Variants in TBC1D23 observed in about 807,000 individuals in gnomAD.
TBC1D23 encodes TBC1 domain family member 23.
In TBC1D23, 55 loss-of-function variants were observed where a neutral mutation model predicts 91.4. The observed-to-expected ratio is 0.60, with a 90% confidence interval of 0.48 to 0.75. The LOEUF is 0.75. Among genes scored for constraint, TBC1D23 ranks in the 30% least tolerant of loss-of-function variants. The pLI, the probability that TBC1D23 is intolerant of heterozygous loss-of-function variation, is 0.00. For missense variants in TBC1D23, 725 were observed against 836.1 expected, an observed-to-expected ratio of 0.87 and a Z score of 1.64; for synonymous variants, 289 against 281.0, an observed-to-expected ratio of 1.03 and a Z score of -0.28.
Position 100,283,988 on chromosome 3 carries a change from C to A in TBC1D23, c.476+177C>A, listed in dbSNP as rs1218541225. The A allele has an allele frequency of 7.4e-6, 4 of 539,578 alleles. No individual in the cohort carries two copies. In the East Asian group the frequency reaches 8.6e-5, roughly 12 times the overall value. The allele number at this position is 539,578 out of a possible 1,614,324, so 33.4% of individuals were successfully genotyped here. ...GGTTATAAACATTTTTTAAAAGATTCTTTAGTTAAAAATGTATACTTCTGA... is the reference window on the plus strand; with the variant it reads ...GGTTATAAACATTTTTTAAAAGATTATTTAGTTAAAAATGTATACTTCTGA... On this transcript the variant is annotated intron_variant, in intron 4 of 18. Coordinates refer to ENST00000394144, the MANE Select transcript of TBC1D23 (RefSeq NM_001199198.3).
At chr3:100,287,094 C>G (rs2067750328) in intron 4 of TBC1D23, among the ~76,000 whole-genome samples, 1 of 152,046 alleles carries the variant, frequency 6.6e-6, no homozygotes, top group East Asian at 1.9e-4. Flanking sequence ...ATTACAGGTG[C>G]AAGCTACCGC....
intron 10 of TBC1D23, among the ~76,000 whole-genome samples, chr3:100,301,159 C>A (rs1457859173): frequency 6.6e-6 from 1 of 151,242 alleles, no homozygotes; most frequent in Non-Finnish European, 1.5e-5. Context: ...TACTAGAGAC[C>A]ACCGTATTGC....
chr3:100,261,225 T>TAG, intron 1 of TBC1D23, 154 bp downstream of exon 1: 1 of 677,796 alleles, frequency 1.5e-6, no homozygotes, highest in Non-Finnish European at 2.5e-6. Context: ...GCCAGCTGGG[T>TAG]GCCCCCTGCC....
chr3:100,288,994 G>A (rs1243712957), intron 4 of TBC1D23, among the ~76,000 whole-genome samples: 4 of 151,970 alleles, frequency 2.6e-5, no homozygotes, highest in African/African-American at 4.8e-5. Context: ...AGGGAGGATC[G>A]CTTGAGCCCA....
At chr3:100,284,423 C>T (rs149558673) in intron 4 of TBC1D23, among the ~76,000 whole-genome samples, 1 of 152,002 alleles carries the variant, frequency 6.6e-6, no homozygotes, top group East Asian at 1.9e-4. Context: ...TAAAATATTA[C>T]AGTGTTCAGG....
Position 100,296,160 on chromosome 3 carries a change from A to C in TBC1D23, c.773-12A>C, listed in dbSNP as rs2067837392. The C allele has an allele frequency of 6.9e-7, 1 of 1,443,792 alleles. No individual in the cohort carries two copies. Among genetic ancestry groups the C allele is most frequent in the Non-Finnish European group, 9.5e-7 (1 of 1,049,054 alleles). The allele number at this position is 1,443,792 out of a possible 1,614,324, so 89.4% of individuals were successfully genotyped here. On this transcript the variant is annotated splice_polypyrimidine_tract_variant and intron_variant, in intron 7 of 18. Coordinates refer to ENST00000394144, the MANE Select transcript of TBC1D23 (RefSeq NM_001199198.3). ...TCACAAACTACTAAATATTATGTCT[A>C]TAATATTTCAGAGTTCTTGGAAAAT...
chr3:100,321,164 G>C (rs555390286), intron 18 of TBC1D23, among the ~76,000 whole-genome samples, 193 bp downstream of exon 18: 7 of 152,298 alleles, frequency 4.6e-5, no homozygotes, highest in African/African-American at 1.7e-4. Flanking sequence ...CACATGATTT[G>C]AGTAAGTGCC....
intron 13 of TBC1D23, 91 bp from the exon 14 acceptor site, chr3:100,310,312 G>T (rs1334342141): frequency 1.1e-5 from 13 of 1,139,666 alleles, no homozygotes; most frequent in Non-Finnish European, 1.6e-5. Context: ...TGGTGGGATT[G>T]CAATTCAGTC....
intron 3 of TBC1D23, among the ~76,000 whole-genome samples, chr3:100,282,983 C>CGGAA (rs2067707939): frequency 1.3e-5 from 2 of 152,152 alleles, no homozygotes; most frequent in African/African-American, 4.8e-5. Flanking sequence ...TGTTTCTTTC[C>CGGAA]CTTCTCTCTC....
intron 1 of TBC1D23, among the ~76,000 whole-genome samples, chr3:100,269,269 A>T (rs1012370273): frequency 2.0e-5 from 3 of 152,198 alleles, no homozygotes; most frequent in Non-Finnish European, 2.9e-5. Flanking sequence ...AATTCTAGAG[A>T]TTACATTATT....
chr3:100,316,185 C>G lies in TBC1D23; in HGVS notation c.1685C>G (p.Thr562Arg). Residue 562 changes from threonine (T) to arginine (R), a missense_variant and splice_region_variant, in exon 16 of 19, where the codon ACA (threonine) becomes AGA (arginine). Transcript: ENST00000394144. ...FSIGDEEEYD[T>R]DEIDSSSMSD... ...ATTGGGGATGAAGAAGAATACGACA[C>G]AGGTGTAGTAATACACTTAGCTACA... 2 of 1,610,840 alleles carry G rather than the reference C, an allele frequency of 1.2e-6. No individual in the cohort carries two copies. The highest frequency in any genetic ancestry group is 1.1e-5 in the South Asian group (1 of 91,038).
intron 4 of TBC1D23, among the ~76,000 whole-genome samples, chr3:100,285,458 C>T (rs139618204): frequency 2.3e-4 from 35 of 152,050 alleles, no homozygotes; most frequent in African/African-American, 5.3e-4. Context: ...ATGCGTATAC[C>T]GCATTTTATT....
rs1271419309 is a variant in TBC1D23 at position 100,310,277 on chromosome 3, G to A, written c.1414-126G>A. 3.8e-6 allele frequency: 3 copies of A among 791,994 alleles called. No homozygotes were observed. In the African/African-American group the frequency reaches 5.2e-5, roughly 14 times the overall value. 49.1% of individuals were successfully genotyped at this position (791,994 alleles called of 1,614,324 possible). A position where few individuals can be genotyped will look rare whatever the true frequency, so the allele number is the denominator to read the frequency against. On this transcript the variant is annotated intron_variant, in intron 13 of 18. Coordinates refer to ENST00000394144, the MANE Select transcript of TBC1D23 (RefSeq NM_001199198.3). ...ACAGTCACATTCTGAGATATACTGG[G>A]AGTTAGGACTTCAACATATGATTTT...
chr3:100,268,914 C>T (rs753344058), intron 1 of TBC1D23, among the ~76,000 whole-genome samples: 1 of 152,146 alleles, frequency 6.6e-6, no homozygotes, highest in Non-Finnish European at 1.5e-5. Flanking sequence ...AAATGCATTG[C>T]AACATTACAC....
chr3:100,277,612 G>T (rs1479213482), intron 1 of TBC1D23, among the ~76,000 whole-genome samples: 1 of 152,114 alleles, frequency 6.6e-6, no homozygotes, highest in Non-Finnish European at 1.5e-5. Flanking sequence ...AAAAAGAAAA[G>T]GATTTTGCAC....
intron 18 of TBC1D23, among the ~76,000 whole-genome samples, chr3:100,322,270 T>G (rs950674460): frequency 6.6e-6 from 1 of 152,088 alleles, no homozygotes; most frequent in African/African-American, 2.4e-5. Flanking sequence ...AATTTTTTTA[T>G]TTTTAGTAGA....
At chr3:100,295,447 A>T in intron 7 of TBC1D23, 99 bp downstream of exon 7, 1 of 895,106 alleles carries the variant, frequency 1.1e-6, no homozygotes, top group South Asian at 1.8e-5. Flanking sequence ...AGTCTAGAAG[A>T]GCTCTGAGGC....
At chr3:100,265,592 A>G (rs2067551235) in intron 1 of TBC1D23, among the ~76,000 whole-genome samples, 1 of 152,178 alleles carries the variant, frequency 6.6e-6, no homozygotes, top group Non-Finnish European at 1.5e-5. Context: ...ATATGTTCTC[A>G]TTTTCCGATA....
At chr3:100,265,246 A>G (rs574441345) in intron 1 of TBC1D23, among the ~76,000 whole-genome samples, 1 of 152,322 alleles carries the variant, frequency 6.6e-6, no homozygotes, top group South Asian at 2.1e-4. Flanking sequence ...ATAGCATACT[A>G]AGCTGTCATT....
Sources: allele counts gnomAD v4.1 joint callset (sites outside exome capture counted in the v4.1 genomes callset), GRCh38; gene constraint gnomAD v4.1.1; transcripts MANE v1.5; gene names NCBI Gene and HGNC (gene_info 2026-07-23, HGNC 2026-07-21).